The following CLSTN2 variants were observed in gnomAD, a reference collection of about 807,000 sequenced individuals.
CLSTN2 encodes calsyntenin-2.
A neutral mutation model predicts 101.2 loss-of-function variants in CLSTN2; 48 were observed. The ratio of observed to expected loss-of-function variants is 0.47; its 90% CI spans 0.38 to 0.60. CLSTN2 has a LOEUF of 0.60. CLSTN2 is among the 20% of genes least tolerant of loss of function. CLSTN2 has a pLI of 0.00. For synonymous variants in CLSTN2, 481 were observed against 463.6 expected, an observed-to-expected ratio of 1.04 and a Z score of -0.48; for missense variants, 1,160 against 1,238.2, an observed-to-expected ratio of 0.94 and a Z score of 0.95.
At chr3:140,292,999 G>A (rs1347895387) in intron 2 of CLSTN2, among the ~76,000 whole-genome samples, 3 of 152,206 alleles carry the variant, frequency 2.0e-5, no homozygotes, top group African/African-American at 2.4e-5. Flanking sequence ...TAGAGTAGAC[G>A]TGAGATAAAC....
intron 5 of CLSTN2, among the ~76,000 whole-genome samples, chr3:140,442,007 G>C (rs1559870809): frequency 6.6e-6 from 1 of 152,096 alleles, no homozygotes; most frequent in Non-Finnish European, 1.5e-5. Context: ...GTACTGACAC[G>C]GGGCCCTGAT....
intron 1 of CLSTN2, among the ~76,000 whole-genome samples, chr3:140,019,247 T>G (rs1169080392): frequency 2.0e-5 from 3 of 152,204 alleles, no homozygotes; most frequent in African/African-American, 7.2e-5. Flanking sequence ...TTTTGTGAGG[T>G]GTTGTTTAGA....
intron 2 of CLSTN2, among the ~76,000 whole-genome samples, chr3:140,187,803 A>G (rs979542319): frequency 1.3e-5 from 2 of 152,152 alleles, no homozygotes; most frequent in Non-Finnish European, 2.9e-5. Context: ...TAAATGTATC[A>G]ACTTGATTTA....
chr3:140,414,274 TA>T, intron 4 of CLSTN2, among the ~76,000 whole-genome samples: 1 of 152,166 alleles, frequency 6.6e-6, no homozygotes, highest in African/African-American at 2.4e-5. Flanking sequence ...AAAAAATTTT[TA>T]AAAATGCATT....
chr3:140,227,564 A>G (rs2086334267), intron 2 of CLSTN2, among the ~76,000 whole-genome samples: 1 of 152,126 alleles, frequency 6.6e-6, no homozygotes, highest in South Asian at 2.1e-4. Context: ...CCGTCTTCTC[A>G]CAGCTCCACT....
At position 139,997,047 on chromosome 3, in the gene CLSTN2, C is replaced by CAAAAAAA. The variant is rs369329154; in HGVS notation, c.109+61577_109+61583dup. On this transcript the variant is annotated intron_variant, in intron 1 of 16. Transcript: ENST00000458420. ...GGGCAACAAGAGCAAGACTCTGTCTCAAAAAAAAAAAAAAAAAAAGAAAAG... is the reference window on the plus strand; with the variant it reads ...GGGCAACAAGAGCAAGACTCTGTCTCAAAAAAAAAAAAAAAAAAAAAAAAAAGAAAAG... 2.1e-4 allele frequency among the ~76,000 whole-genome samples: 18 copies of CAAAAAAA among 84,858 alleles called. 1 individual carries two copies. Among genetic ancestry groups the CAAAAAAA allele is most frequent in the East Asian group, 5.0e-4 (1 of 2,000 alleles). The allele number at this position is 84,858 out of a possible 152,430, so 55.7% of individuals were successfully genotyped here.
chr3:140,422,091 C>A (rs1237928017), intron 5 of CLSTN2, among the ~76,000 whole-genome samples: 1 of 152,188 alleles, frequency 6.6e-6, no homozygotes. Flanking sequence ...ATTGCTTACT[C>A]ATAACTCATA....
At chr3:140,313,196 C>T (rs769381476) in intron 2 of CLSTN2, among the ~76,000 whole-genome samples, 14 of 152,148 alleles carry the variant, frequency 9.2e-5, no homozygotes, top group African/African-American at 2.2e-4. Flanking sequence ...AATTGTTTTA[C>T]AGCTCTTTAT....
intron 8 of CLSTN2, among the ~76,000 whole-genome samples, chr3:140,528,987 G>A (rs553148925): frequency 1.7e-4 from 26 of 152,344 alleles, no homozygotes; most frequent in Admixed American, 7.8e-4. Context: ...GTAGGTGAAT[G>A]TATCTTATGT....
chr3:140,483,993 G>A (rs1400738005), intron 8 of CLSTN2, among the ~76,000 whole-genome samples: 1 of 152,126 alleles, frequency 6.6e-6, no homozygotes, highest in Non-Finnish European at 1.5e-5. Flanking sequence ...GTGTGAATTT[G>A]ATCCTGTCAT....
chr3:140,575,002 G>C lies in CLSTN2; in HGVS notation c.*8749G>C, dbSNP rs1985687503. On this transcript the variant is annotated 3_prime_UTR_variant, in exon 17 of 17. Transcript: ENST00000458420. ...TTGGTGGCAAAAGTGCATCCATCCT[G>C]GCCAATATAGAACACTCACATCTGG... 1 of 152,142 alleles carries C rather than the reference G, an allele frequency of 6.6e-6. No individual in the cohort carries two copies. Among genetic ancestry groups the C allele is most frequent in the Admixed American group, 6.5e-5 (1 of 15,270 alleles). The allele number at this position is 152,142 out of a possible 1,614,324, so 9.4% of individuals were successfully genotyped here.
At chr3:140,197,388 C>T (rs550673096) in intron 2 of CLSTN2, among the ~76,000 whole-genome samples, 1 of 152,278 alleles carries the variant, frequency 6.6e-6, no homozygotes, top group South Asian at 2.1e-4. Flanking sequence ...TAAATAAAAT[C>T]ACTAAATATA....
chr3:139,979,468 C>T (rs1213080797), intron 1 of CLSTN2, among the ~76,000 whole-genome samples: 7 of 152,214 alleles, frequency 4.6e-5, no homozygotes, highest in Admixed American at 2.0e-4. Context: ...AGTTAGGGCT[C>T]TCACACACCA....
At chr3:140,050,222 C>G (rs1323972210) in intron 1 of CLSTN2, among the ~76,000 whole-genome samples, 1 of 152,166 alleles carries the variant, frequency 6.6e-6, no homozygotes, top group Non-Finnish European at 1.5e-5. Context: ...TGTTTCTCAC[C>G]TGGGAACAGG....
chr3:140,519,390 C>G (rs1934982101), intron 8 of CLSTN2, among the ~76,000 whole-genome samples: 1 of 152,116 alleles, frequency 6.6e-6, no homozygotes, highest in African/African-American at 2.4e-5. Context: ...AATTTTCTGT[C>G]TCTGTGATCT....
intron 8 of CLSTN2, among the ~76,000 whole-genome samples, chr3:140,495,152 C>A (rs145988624): frequency 6.6e-6 from 1 of 152,158 alleles, no homozygotes; most frequent in Non-Finnish European, 1.5e-5. Context: ...TATTTTTAGC[C>A]ATTCTGACTG....
chr3:139,973,770 C>T (rs1935762711), intron 1 of CLSTN2, among the ~76,000 whole-genome samples: 1 of 152,172 alleles, frequency 6.6e-6, no homozygotes, highest in Non-Finnish European at 1.5e-5. Context: ...TCCCGAGTAG[C>T]TGCAACTACA....
At chr3:140,241,252 T>C (rs1230967612) in intron 2 of CLSTN2, among the ~76,000 whole-genome samples, 3 of 152,204 alleles carry the variant, frequency 2.0e-5, no homozygotes, top group Admixed American at 1.3e-4. Flanking sequence ...TCATATCTCC[T>C]GACATGTCTA....
At chr3:140,192,806 G>A (rs574654707) in intron 2 of CLSTN2, among the ~76,000 whole-genome samples, 1 of 151,802 alleles carries the variant, frequency 6.6e-6, no homozygotes, top group Non-Finnish European at 1.5e-5. Context: ...ATATGGTAGG[G>A]TTTAGATCTG....
Sources: gnomAD v4.1 joint callset for allele counts (sites outside exome capture counted in the v4.1 genomes callset) on GRCh38, gnomAD v4.1.1 for gene constraint, MANE v1.5 for transcripts, NCBI Gene and HGNC (gene_info 2026-07-23, HGNC 2026-07-21) for gene names.